Variants in ADSS2 observed in about 807,000 individuals in gnomAD.
ADSS2 encodes adenylosuccinate synthetase isozyme 2.
Under a neutral mutation model 60.0 loss-of-function variants are expected in ADSS2, and 30 were observed. The observed-to-expected ratio is 0.50, with a 90% CI of 0.37 to 0.68. The LOEUF (loss-of-function observed/expected upper bound fraction) is 0.68, where lower values mean the gene tolerates loss of function less well. Ranked by LOEUF, ADSS2 falls within the 30% of genes least tolerant of loss-of-function variation. The pLI, the probability that ADSS2 is intolerant of heterozygous loss-of-function variation, is 0.00. For missense variants in ADSS2, 373 were observed against 554.8 expected (o/e 0.67, Z 3.29); for synonymous variants, 187 against 193.1 (o/e 0.97, Z 0.26).
chr1:244,435,191 A>AAAC (rs1665062789), intron 3 of ADSS2, among the ~76,000 whole-genome samples: 1 of 145,956 alleles, frequency 6.9e-6, no homozygotes, highest in South Asian at 2.1e-4. Context: ...AAAAAAAAAA[A>AAAC]AAAAAACAAA....
At chr1:244,412,447 G>A (rs1311781383) in intron 11 of ADSS2, among the ~76,000 whole-genome samples, 1 of 152,190 alleles carries the variant, frequency 6.6e-6, no homozygotes, top group Non-Finnish European at 1.5e-5. Context: ...CTGGCTAGCT[G>A]GCTGGCTGGC....
chr1:244,415,883 T>C, intron 11 of ADSS2, 98 bp downstream of exon 11: 7 of 862,432 alleles, frequency 8.1e-6, no homozygotes, highest in Non-Finnish European at 1.3e-5. Flanking sequence ...ATATCAAACC[T>C]GTCGCTATCT....
chr1:244,423,781 T>G (rs1342583410), intron 6 of ADSS2, among the ~76,000 whole-genome samples, 172 bp downstream of exon 6: 1 of 152,220 alleles, frequency 6.6e-6, no homozygotes, highest in Non-Finnish European at 1.5e-5. Flanking sequence ...GAAGTTAATC[T>G]GTAACCAAGG....
chr1:244,409,925 A>T (rs1664374152), intron 12 of ADSS2, among the ~76,000 whole-genome samples: 1 of 152,178 alleles, frequency 6.6e-6, no homozygotes, highest in East Asian at 1.9e-4. Context: ...ACCAGCAGAG[A>T]CCTACAGAAA....
At chr1:244,432,418 C>A in intron 4 of ADSS2, 127 bp downstream of exon 4, 2 of 657,284 alleles carry the variant, frequency 3.0e-6, no homozygotes, top group South Asian at 2.5e-5. Context: ...ATTTAGAACT[C>A]AATTACTACA....
chr1:244,425,972 AT>A lies in ADSS2; in HGVS notation c.407-1586del, dbSNP rs1449492612. Among the ~76,000 whole-genome samples, 8 of 152,340 alleles carry A rather than the reference AT, an allele frequency of 5.3e-5. 1 individual carries two copies. The South Asian group carries it at 1.7e-3, about 32-fold the overall frequency. On this transcript the variant is annotated intron_variant, in intron 4 of 12. Coordinates refer to ENST00000366535, the MANE Select transcript of ADSS2 (RefSeq NM_001126.5). ...TTTTCATCAATGGTAGAATGAATGG[AT>A]TTTTAAAAGTGTGAAATGGTCATAT...
At chr1:244,414,922 C>T (rs1664494448) in intron 11 of ADSS2, among the ~76,000 whole-genome samples, 1 of 152,222 alleles carries the variant, frequency 6.6e-6, no homozygotes, top group Admixed American at 6.5e-5. Flanking sequence ...ATGGGATTGG[C>T]TGCACTGTAT....
At chr1:244,446,116 C>A (rs1204640727) in intron 1 of ADSS2, among the ~76,000 whole-genome samples, 1 of 152,126 alleles carries the variant, frequency 6.6e-6, no homozygotes, top group Admixed American at 6.5e-5. Context: ...TTTGTCTAAT[C>A]TTCAAACTTC....
intron 12 of ADSS2, 48 bp from the exon 13 acceptor site, chr1:244,409,686 G>A (rs1248883112): frequency 1.4e-6 from 2 of 1,443,654 alleles, no homozygotes; most frequent in East Asian, 2.3e-5. Flanking sequence ...CATCTCTAAT[G>A]TTCACTCGTT....
chr1:244,444,514 C>CAAAAAAAAAAAAA (rs56001597), intron 1 of ADSS2, among the ~76,000 whole-genome samples: 17 of 42,546 alleles, frequency 4.0e-4, no homozygotes, highest in African/African-American at 6.9e-4. Context: ...GACTCCATCT[C>CAAAAAAAAAAAAA]AAAAAAAAAA....
intron 1 of ADSS2, among the ~76,000 whole-genome samples, chr1:244,441,081 C>CA (rs1298240587): frequency 2.2e-5 from 3 of 139,450 alleles, no homozygotes; most frequent in Non-Finnish European, 4.6e-5. Flanking sequence ...TTTTTTTAGA[C>CA]AGAGTCTTGC....
rs755881622 is a variant in ADSS2 at position 244,424,009 on chromosome 1, A to G, written c.525T>C (p.Ala175=). ...GIGPVYSSKA[A]RSGLRMCDLV... ...GGTCGCACATCCTGAGTCCACTCCG[A>G]GCAGCTTTGGACGAATAAACTGGGC... Residue 175 remains alanine (A), a synonymous_variant, in exon 6 of 13, where the codon GCT becomes GCC. Transcript: ENST00000366535. 6.2e-7 allele frequency: 1 copy of G among 1,613,728 alleles called. No homozygotes were observed. Among genetic ancestry groups the G allele is most frequent in the South Asian group, 1.1e-5 (1 of 91,024 alleles).
At chr1:244,418,468 A>G (rs180728596) in intron 9 of ADSS2, among the ~76,000 whole-genome samples, 1 of 152,124 alleles carries the variant, frequency 6.6e-6, no homozygotes, top group Non-Finnish European at 1.5e-5. Context: ...CTACAGGTGC[A>G]TGCCACCACA....
chr1:244,445,800 T>C (rs937283552), intron 1 of ADSS2, among the ~76,000 whole-genome samples: 6 of 152,308 alleles, frequency 3.9e-5, no homozygotes, highest in African/African-American at 9.6e-5. Context: ...GGTAGAGAGA[T>C]GAAGGCAGTG....
intron 1 of ADSS2, among the ~76,000 whole-genome samples, chr1:244,447,883 T>C (rs76896526): frequency 1.3e-5 from 2 of 152,282 alleles, no homozygotes; most frequent in East Asian, 3.9e-4. Context: ...TGGTTGAGTA[T>C]TTCCCTTCTG....
rs1664740646 is a variant in ADSS2, at chr1:244,424,119, C to A, written c.474-59G>T. ...ACAAGAAAGATGTAGGTCTCCTGGTCAGATCATTGCAGTGAATAAAGTTAC... is the reference window on the plus strand; with the variant it reads ...ACAAGAAAGATGTAGGTCTCCTGGTAAGATCATTGCAGTGAATAAAGTTAC... On this transcript the variant is annotated intron_variant, in intron 5 of 12. Coordinates refer to ENST00000366535, the MANE Select transcript of ADSS2 (RefSeq NM_001126.5). The A allele has an allele frequency of 2.2e-6, 3 of 1,385,994 alleles. No individual in the cohort carries two copies. In the South Asian group the frequency reaches 3.8e-5, roughly 17 times the overall value. 85.9% of individuals were successfully genotyped at this position (1,385,994 alleles called of 1,614,324 possible). A position where few individuals can be genotyped will look rare whatever the true frequency, so the allele number is the denominator to read the frequency against.
At chr1:244,418,685 G>A (rs1664593581) in intron 9 of ADSS2, 75 bp downstream of exon 9, 1 of 1,396,674 alleles carries the variant, frequency 7.2e-7, no homozygotes, top group Admixed American at 2.4e-5. Flanking sequence ...AGGCACAGGA[G>A]ACAATAATTC....
At chr1:244,420,640 C>A (rs1664652817) in intron 7 of ADSS2, among the ~76,000 whole-genome samples, 1 of 152,144 alleles carries the variant, frequency 6.6e-6, no homozygotes, top group Non-Finnish European at 1.5e-5. Context: ...TTACAATGTG[C>A]TTTTAAATTT....
rs896040629 is a variant in ADSS2 at position 244,417,723 on chromosome 1, A to G, written c.975T>C (p.Gly325=). ...TTCCAGTAGTTACACCAAACTCTCT[A>G]CCCCTTGTTTGTAATAATTCTCCAA... ...NEIGELLQTR[G]REFGVTTGRK... is the part of the protein sequence containing the mutation. The change falls in exon 10 of 13, where the codon GGT becomes GGC. Residue 325 remains glycine, a synonymous_variant. Coordinates refer to ENST00000366535, the MANE Select transcript of ADSS2 (RefSeq NM_001126.5). The G allele has an allele frequency of 1.2e-6, 2 of 1,613,450 alleles. No homozygotes were observed. The highest frequency in any genetic ancestry group is 1.7e-5 in the Admixed American group (1 of 59,988).
Sources: allele counts gnomAD v4.1 joint callset (sites outside exome capture counted in the v4.1 genomes callset), GRCh38; gene constraint gnomAD v4.1.1; transcripts MANE v1.5; gene names NCBI Gene and HGNC (gene_info 2026-07-23, HGNC 2026-07-21).